Variants in BLNK observed in about 807,000 individuals in gnomAD.
BLNK encodes the protein B cell linker, also known as B-cell linker protein.
In BLNK, 29 loss-of-function variants were observed where a neutral mutation model predicts 73.5. The observed-to-expected ratio is 0.39, with a 90% CI of 0.29 to 0.54. The LOEUF is 0.54. Ranked by LOEUF, BLNK falls within the 20% of genes least tolerant of loss-of-function variation. The probability of loss-of-function intolerance (pLI) is 0.61; values close to 1 mark genes in which losing one functional copy is unlikely to be tolerated. For synonymous variants in BLNK, 176 were observed against 200.8 expected (o/e 0.88, Z 1.04); for missense variants, 460 against 562.8 (o/e 0.82, Z 1.85).
In BLNK at chr10:96,189,400, C is replaced by A; in HGVS notation, c.*2573G>T. ...CCACTGCCAGGATCTTGAATAGTCT[C>A]CTGGTCAGTTGTCCGGAAGCAATTC... On this transcript the variant is annotated 3_prime_UTR_variant, in exon 17 of 17. Coordinates refer to ENST00000224337, the MANE Select transcript of BLNK (RefSeq NM_013314.4). 1.7e-6 allele frequency: 1 copy of A among 591,690 alleles called. No individual in the cohort carries two copies. 36.7% of individuals were successfully genotyped at this position (591,690 alleles called of 1,614,324 possible). A position where few individuals can be genotyped will look rare whatever the true frequency, so the allele number is the denominator to read the frequency against.
chr10:96,222,209 C>T (rs1177218055), intron 6 of BLNK, among the ~76,000 whole-genome samples: 1 of 152,190 alleles, frequency 6.6e-6, no homozygotes, highest in East Asian at 1.9e-4. Context: ...CCAAATCATA[C>T]ACCTAGAAGG....
chr10:96,224,957 T>C (rs1321510927), intron 5 of BLNK, among the ~76,000 whole-genome samples: 2 of 152,126 alleles, frequency 1.3e-5, no homozygotes, highest in African/African-American at 2.4e-5. Flanking sequence ...CTCAGCCTCC[T>C]GAAGTGTTAG....
chr10:96,214,940 C>T (rs376514593), intron 8 of BLNK, among the ~76,000 whole-genome samples: 2 of 152,040 alleles, frequency 1.3e-5, no homozygotes, highest in Non-Finnish European at 2.9e-5. Flanking sequence ...TAGCTGGTAA[C>T]GGGGCACACT....
chr10:96,221,762 C>A (rs1366234881), intron 6 of BLNK, among the ~76,000 whole-genome samples: 1 of 152,250 alleles, frequency 6.6e-6, no homozygotes, highest in African/African-American at 2.4e-5. Context: ...TCTCCCCATC[C>A]TGTCCCCTCC....
intron 1 of BLNK, among the ~76,000 whole-genome samples, chr10:96,250,732 G>T (rs948029064): frequency 1.3e-5 from 2 of 152,196 alleles, no homozygotes; most frequent in African/African-American, 4.8e-5. Flanking sequence ...TGTTGCAAAA[G>T]AATTGGATGC....
chr10:96,257,360 C>G (rs1166295926), intron 1 of BLNK, among the ~76,000 whole-genome samples: 1 of 152,146 alleles, frequency 6.6e-6, no homozygotes, highest in African/African-American at 2.4e-5. Context: ...GGCTGGGACA[C>G]CAGTATGGAG....
chr10:96,258,148 A>G (rs1262903722), intron 1 of BLNK, among the ~76,000 whole-genome samples: 2 of 152,220 alleles, frequency 1.3e-5, no homozygotes, highest in East Asian at 3.8e-4. Context: ...ATGAAATAAC[A>G]GGAATTATAT....
At chr10:96,192,748 G>A (rs2083360553) in intron 16 of BLNK, among the ~76,000 whole-genome samples, 1 of 151,964 alleles carries the variant, frequency 6.6e-6, no homozygotes. Flanking sequence ...CACAAATTTT[G>A]TTCTGAAAAA....
At position 96,271,457 on chromosome 10, in the gene BLNK, TG is replaced by T. The variant is rs1554915772; in HGVS notation, c.-60del. ...GTCCAGTGGTCACGTCAGCAGTTCC[TG>T]GCCCTCCTAGGGAGCAGCATGGTAA... On this transcript the variant is annotated 5_prime_UTR_variant, in exon 1 of 17. An upstream open reading frame in the 5' UTR loses its in-frame stop. Transcript: ENST00000224337. 1 of 1,570,524 alleles carries T rather than the reference TG, an allele frequency of 6.4e-7. No homozygotes were observed. Among genetic ancestry groups the T allele is most frequent in the African/African-American group, 1.4e-5 (1 of 73,994 alleles).
At chr10:96,201,517 TG>T (rs2083634030) in intron 13 of BLNK, among the ~76,000 whole-genome samples, 2 of 152,228 alleles carry the variant, frequency 1.3e-5, no homozygotes, top group Non-Finnish European at 2.9e-5. Flanking sequence ...TATTTTTAAA[TG>T]GATTAATAAA....
chr10:96,199,517 A>C (rs2083570605), intron 15 of BLNK: 1 of 461,840 alleles, frequency 2.2e-6, no homozygotes, highest in Non-Finnish European at 4.4e-6. Flanking sequence ...TTTGGAGGGC[A>C]GTGGAGGCTG....
chr10:96,206,550 CAA>C (rs587613981), intron 11 of BLNK, among the ~76,000 whole-genome samples: 6 of 126,966 alleles, frequency 4.7e-5, no homozygotes, highest in Admixed American at 8.1e-5. Flanking sequence ...GACCCTAACT[CAA>C]AAAAAAAAAA....
rs111472560 is a variant in BLNK at position 96,193,819 on chromosome 10, T to C, written c.1252-1727A>G. On this transcript the variant is annotated intron_variant, in intron 16 of 16. Transcript: ENST00000224337. Reference sequence around the variant, plus strand: ...ATGAATTGGTTACTTTTTCTAGCCATGTACACACAAATACACACAGACTTT... The same window carrying C: ...ATGAATTGGTTACTTTTTCTAGCCACGTACACACAAATACACACAGACTTT... Among the ~76,000 whole-genome samples, 248 of 152,340 alleles carry C rather than the reference T, an allele frequency of 1.6e-3. 3 individuals are homozygous for C. The highest frequency in any genetic ancestry group is 5.6e-3 in the African/African-American group (234 of 41,572).
intron 13 of BLNK, among the ~76,000 whole-genome samples, chr10:96,203,304 A>G (rs587755151): frequency 4.6e-5 from 7 of 152,312 alleles, no homozygotes; most frequent in African/African-American, 1.7e-4. Flanking sequence ...TTTAAAAACT[A>G]GTAAAAGTTT....
intron 6 of BLNK, 134 bp downstream of exon 6, chr10:96,223,692 T>G: frequency 9.4e-7 from 1 of 1,064,358 alleles, no homozygotes; most frequent in Non-Finnish European, 1.4e-6. Flanking sequence ...CCCTTTGGTA[T>G]AATAGTGGAG....
intron 1 of BLNK, among the ~76,000 whole-genome samples, chr10:96,256,415 T>A (rs1459360559): frequency 3.3e-5 from 5 of 152,190 alleles, no homozygotes; most frequent in Admixed American, 2.6e-4. Context: ...AATAAAAAAA[T>A]TAATGTTCAT....
At chr10:96,199,446 G>A (rs797031353) in intron 15 of BLNK, 14 of 454,154 alleles carry the variant, frequency 3.1e-5, no homozygotes, top group African/African-American at 2.8e-4. Context: ...ACTCCTCAGT[G>A]GAGCTCATGC....
rs188347175 is a variant in BLNK at position 96,208,633 on chromosome 10, G to A, written c.747-734C>T. On this transcript the variant is annotated intron_variant, in intron 9 of 16. Transcript: ENST00000224337. The stretch of plus-strand genomic sequence containing the variant: ...ACTGGAGTCTAATATTGGTAAGGTT[G>A]TATGCTCCTTTTCTGTGTGTTAAAT... 5.7e-3 allele frequency among the ~76,000 whole-genome samples: 866 copies of A among 152,246 alleles called. 13 individuals are homozygous for A. Among genetic ancestry groups the A allele is most frequent in the African/African-American group, 0.019 (807 of 41,534 alleles).
chr10:96,257,020 G>A (rs1843547335), intron 1 of BLNK, among the ~76,000 whole-genome samples: 1 of 151,786 alleles, frequency 6.6e-6, no homozygotes, highest in Admixed American at 6.6e-5. Flanking sequence ...CACATCTCTA[G>A]TCACATCAAA....
Sources: allele counts gnomAD v4.1 joint callset (sites outside exome capture counted in the v4.1 genomes callset), GRCh38; gene constraint gnomAD v4.1.1; transcripts MANE v1.5; gene names NCBI Gene and HGNC (gene_info 2026-07-23, HGNC 2026-07-21).